Variants in QTMAN observed in about 807,000 individuals in gnomAD.
QTMAN encodes the protein tRNA-queuosine alpha-mannosyltransferase.
the QTMAN span, chr2:143,947,143 G>A: frequency 3.6e-5 from 58 of 1,592,072 alleles, no homozygotes; most frequent in Admixed American, 6.0e-4. Flanking sequence ...ACCCTGCAAC[G>A]AGGAGGAGGG....
At chr2:144,274,975 A>C in the QTMAN span, among the ~76,000 whole-genome samples, 2 of 152,294 alleles carry the variant, frequency 1.3e-5, no homozygotes, top group Middle Eastern at 3.4e-3. Flanking sequence ...GTCAGAATTG[A>C]ATTTAATTAT....
the QTMAN span, among the ~76,000 whole-genome samples, chr2:144,100,089 G>T: frequency 6.6e-6 from 1 of 152,198 alleles, no homozygotes; most frequent in African/African-American, 2.4e-5. Context: ...GCTTGTTGCT[G>T]ATGACGCTAA....
chr2:144,301,884 T>A, the QTMAN span, among the ~76,000 whole-genome samples: 1 of 152,204 alleles, frequency 6.6e-6, no homozygotes, highest in East Asian at 1.9e-4. Context: ...CAAGAAATAT[T>A]TTTTGAAGGG....
the QTMAN span, among the ~76,000 whole-genome samples, chr2:144,107,542 A>C: frequency 6.6e-6 from 1 of 152,218 alleles, no homozygotes; most frequent in Non-Finnish European, 1.5e-5. Flanking sequence ...ACACCCCCTC[A>C]AGACTAAACC....
chr2:144,069,182 A>C, the QTMAN span, among the ~76,000 whole-genome samples: 1 of 152,014 alleles, frequency 6.6e-6, no homozygotes, highest in African/African-American at 2.4e-5. Context: ...TACTGATGAC[A>C]AAATTTTTCT....
chr2:144,222,781 C>T, the QTMAN span, among the ~76,000 whole-genome samples: 1 of 152,034 alleles, frequency 6.6e-6, no homozygotes, highest in Non-Finnish European at 1.5e-5. Flanking sequence ...GCATTCCAGC[C>T]TAGGCGACAG....
At chr2:144,186,445 A>G in the QTMAN span, among the ~76,000 whole-genome samples, 1 of 152,240 alleles carries the variant, frequency 6.6e-6, no homozygotes, top group African/African-American at 2.4e-5. Context: ...GGAAATAAAT[A>G]TGCAAACTAA....
At chr2:144,149,359 T>C in the QTMAN span, among the ~76,000 whole-genome samples, 1 of 152,070 alleles carries the variant, frequency 6.6e-6, no homozygotes, top group South Asian at 2.1e-4. Context: ...AGGTTTTATG[T>C]TTAATATTTT....
chr2:144,252,834 TG>T, the QTMAN span, among the ~76,000 whole-genome samples: 1 of 152,168 alleles, frequency 6.6e-6, no homozygotes. Context: ...TGCCAAAACT[TG>T]GAAGTGGCCA....
At chr2:144,024,493 G>A in the QTMAN span, among the ~76,000 whole-genome samples, 2 of 152,340 alleles carry the variant, frequency 1.3e-5, no homozygotes, top group Admixed American at 1.3e-4. Flanking sequence ...TTGCATATGT[G>A]AAGTGGAAAG....
At chr2:144,152,371 G>A in the QTMAN span, among the ~76,000 whole-genome samples, 5 of 152,124 alleles carry the variant, frequency 3.3e-5, no homozygotes, top group South Asian at 4.1e-4. Context: ...AATGCCTATT[G>A]AGCTTCTTTA....
chr2:144,074,158 C>A, the QTMAN span, among the ~76,000 whole-genome samples: 1 of 152,140 alleles, frequency 6.6e-6, no homozygotes, highest in Admixed American at 6.6e-5. Context: ...TAAATATAAA[C>A]AATTATAAAA....
the QTMAN span, among the ~76,000 whole-genome samples, chr2:144,249,478 G>A: frequency 6.6e-6 from 1 of 152,182 alleles, no homozygotes; most frequent in East Asian, 1.9e-4. Context: ...ATCCCCAGAG[G>A]TCTGAGCAGG....
At chr2:144,221,333 C>T in the QTMAN span, among the ~76,000 whole-genome samples, 53 of 152,206 alleles carry the variant, frequency 3.5e-4, no homozygotes, top group South Asian at 1.5e-3. Flanking sequence ...CAATTAAAAA[C>T]AATCAAAATA....
At chr2:144,243,780 C>G in the QTMAN span, among the ~76,000 whole-genome samples, 1 of 152,120 alleles carries the variant, frequency 6.6e-6, no homozygotes, top group East Asian at 1.9e-4. Context: ...TCATCTCATT[C>G]TTTAATAATA....
At chr2:143,965,762 G>C in the QTMAN span, among the ~76,000 whole-genome samples, 1 of 152,198 alleles carries the variant, frequency 6.6e-6, no homozygotes, top group Non-Finnish European at 1.5e-5. Context: ...CCTGGAGGTG[G>C]AGGTGGGAAT....
the QTMAN span, among the ~76,000 whole-genome samples, chr2:144,164,355 G>A: frequency 6.6e-6 from 1 of 151,926 alleles, no homozygotes; most frequent in African/African-American, 2.4e-5. Flanking sequence ...ACCACTGCTT[G>A]GTACATTGTA....
chr2:144,118,811 G>A, the QTMAN span, among the ~76,000 whole-genome samples: 1 of 152,182 alleles, frequency 6.6e-6, no homozygotes, highest in East Asian at 1.9e-4. Context: ...AACCTGGGAG[G>A]CGAAGCTTGC....
the QTMAN span, among the ~76,000 whole-genome samples, chr2:144,173,678 T>A: frequency 6.6e-6 from 1 of 152,194 alleles, no homozygotes; most frequent in Admixed American, 6.5e-5. Flanking sequence ...CATGATTTCC[T>A]TTGTTACAAT....
Sources: allele counts gnomAD v4.1 joint callset (sites outside exome capture counted in the v4.1 genomes callset), GRCh38; gene constraint gnomAD v4.1.1; transcripts MANE v1.5; gene names NCBI Gene and HGNC (gene_info 2026-07-23, HGNC 2026-07-21).